The following CYP2C19 variants were observed in gnomAD, a reference collection of about 807,000 sequenced individuals.
CYP2C19 encodes cytochrome P450 family 2 subfamily C member 19.
CYP2C19 carries 59 observed loss-of-function variants against 40.9 expected under a neutral mutation model. That is an observed-to-expected ratio of 1.44 (90% confidence interval 1.17 to 1.79). CYP2C19 has a LOEUF of 1.79. Among genes scored for constraint, CYP2C19 ranks in the 40% most tolerant of loss-of-function variants. The probability of loss-of-function intolerance (pLI) is 0.00; values close to 1 mark genes in which losing one functional copy is unlikely to be tolerated. For synonymous variants in CYP2C19, 253 were observed against 208.7 expected (o/e 1.21, Z -1.83); for missense variants, 754 against 596.9 (o/e 1.26, Z -2.74).
At chr10:94,817,335 A>C (rs1849022152) in intron 5 of CYP2C19, among the ~76,000 whole-genome samples, 1 of 150,846 alleles carries the variant, frequency 6.6e-6, no homozygotes, top group South Asian at 2.1e-4. Context: ...GCCAGTGATG[A>C]TGAGCATTTT....
chr10:94,843,623 C>A (rs1390797535), intron 7 of CYP2C19, among the ~76,000 whole-genome samples: 1 of 152,168 alleles, frequency 6.6e-6, no homozygotes, highest in Non-Finnish European at 1.5e-5. Context: ...AATCTATCAA[C>A]TTTGCTAAAT....
chr10:94,852,500 T>C (rs1454811311), intron 8 of CYP2C19, among the ~76,000 whole-genome samples: 1 of 152,106 alleles, frequency 6.6e-6, no homozygotes, highest in Admixed American at 6.6e-5. Flanking sequence ...AGGTGAAGAG[T>C]AAGCATGTCC....
At chr10:94,816,893 A>G (rs1849014468) in intron 5 of CYP2C19, among the ~76,000 whole-genome samples, 1 of 146,326 alleles carries the variant, frequency 6.8e-6, no homozygotes, top group Non-Finnish European at 1.5e-5. Context: ...CCATGTCCCT[A>G]CAAAGGATAT....
intron 5 of CYP2C19, among the ~76,000 whole-genome samples, chr10:94,798,672 C>T (rs1484817653): frequency 6.6e-6 from 1 of 151,952 alleles, no homozygotes; most frequent in Non-Finnish European, 1.5e-5. Flanking sequence ...TCTGGGTGCT[C>T]CTGTATTGGG....
chr10:94,805,740 C>A (rs1333469033), intron 5 of CYP2C19, among the ~76,000 whole-genome samples: 2 of 152,088 alleles, frequency 1.3e-5, no homozygotes, highest in African/African-American at 4.8e-5. Context: ...AGTCAACAAA[C>A]AAAACCAAAG....
chr10:94,799,112 A>G (rs1280052942), intron 5 of CYP2C19, among the ~76,000 whole-genome samples: 1 of 151,968 alleles, frequency 6.6e-6, no homozygotes, highest in Non-Finnish European at 1.5e-5. Flanking sequence ...GGTCTTTACA[A>G]TTTAGCATGT....
chr10:94,842,720 A>G, intron 6 of CYP2C19, 117 bp from the exon 7 acceptor site: 3 of 1,114,306 alleles, frequency 2.7e-6, no homozygotes, highest in Non-Finnish European at 4.0e-6. Flanking sequence ...CCAGCACTAT[A>G]ATTTAAATTT....
chr10:94,846,858 T>C (rs1388955711), intron 7 of CYP2C19, among the ~76,000 whole-genome samples: 1 of 151,734 alleles, frequency 6.6e-6, no homozygotes, highest in East Asian at 1.9e-4. Flanking sequence ...ATGATTAATC[T>C]GTAATGAATA....
chr10:94,775,761 T>C, intron 3 of CYP2C19: 1 of 653,096 alleles, frequency 1.5e-6, no homozygotes, highest in Non-Finnish European at 2.6e-6. Flanking sequence ...AAAGTTCATT[T>C]AATCCTATGT....
chr10:94,819,487 C>T (rs1849075958), intron 5 of CYP2C19, among the ~76,000 whole-genome samples: 1 of 86,478 alleles, frequency 1.2e-5, no homozygotes. Flanking sequence ...ATTGATAGAC[C>T]ACTAGCAAGA....
intron 1 of CYP2C19, 114 bp from the exon 2 acceptor site, chr10:94,774,944 C>A: frequency 1.8e-6 from 2 of 1,088,906 alleles, no homozygotes; most frequent in Non-Finnish European, 2.6e-6. Context: ...AATATTTGAG[C>A]CTGTGTGACT....
At chr10:94,791,474 A>T (rs1467381967) in intron 5 of CYP2C19, among the ~76,000 whole-genome samples, 1 of 151,976 alleles carries the variant, frequency 6.6e-6, no homozygotes, top group Non-Finnish European at 1.5e-5. Flanking sequence ...TCAAATTTAG[A>T]CCTTTCCTGC....
Position 94,791,720 on chromosome 10 carries a change from G to T in CYP2C19, c.819+9723G>T, listed in dbSNP as rs192225482. 1.6e-4 allele frequency among the ~76,000 whole-genome samples: 25 copies of T among 152,238 alleles called. No homozygotes were observed. In the East Asian group the frequency reaches 3.7e-3, roughly 22 times the overall value. On this transcript the variant is annotated intron_variant, in intron 5 of 8. Coordinates refer to ENST00000371321, the MANE Select transcript of CYP2C19 (RefSeq NM_000769.4). ...CTGAGTTCTAGTTTGATTGCACCGT[G>T]GTCTGAGAGACAGTTTGTTATAATT...
chr10:94,832,552 G>C lies in CYP2C19; in HGVS notation c.962-10285G>C, dbSNP rs146322619. On this transcript the variant is annotated intron_variant, in intron 6 of 8. Transcript: ENST00000371321. ...ACAGCCAAACCATGTCAGCACCTTT[G>C]TCAAGAATGAGTTCACTCTAGGTGT... 3.3e-3 allele frequency among the ~76,000 whole-genome samples: 503 copies of C among 152,248 alleles called. 1 individual carries two copies. Among genetic ancestry groups the C allele is most frequent in the African/African-American group, 0.012 (484 of 41,546 alleles).
chr10:94,817,766 C>A (rs1194284952), intron 5 of CYP2C19, among the ~76,000 whole-genome samples: 4 of 152,086 alleles, frequency 2.6e-5, no homozygotes, highest in Non-Finnish European at 5.9e-5. Context: ...GTAATCCCGG[C>A]ACTTTGGGAG....
intron 1 of CYP2C19, chr10:94,774,079 T>C (rs1033247602): frequency 6.6e-6 from 1 of 152,184 alleles, no homozygotes; most frequent in Non-Finnish European, 1.5e-5. Flanking sequence ...AATTGGTGTG[T>C]TTACAAACCT....
intron 6 of CYP2C19, among the ~76,000 whole-genome samples, chr10:94,833,924 G>A (rs1342346577): frequency 4.6e-5 from 7 of 152,096 alleles, no homozygotes; most frequent in Non-Finnish European, 1.0e-4. Context: ...GAGGATTGTT[G>A]CATCAGTATT....
intron 5 of CYP2C19, among the ~76,000 whole-genome samples, chr10:94,791,585 CA>C (rs1228864825): frequency 6.6e-6 from 1 of 152,108 alleles, no homozygotes; most frequent in African/African-American, 2.4e-5. Flanking sequence ...TCATTGATTT[CA>C]AAGAACATCT....
intron 5 of CYP2C19, among the ~76,000 whole-genome samples, chr10:94,816,753 A>C (rs1371368534): frequency 1.5e-5 from 2 of 130,806 alleles, no homozygotes; most frequent in African/African-American, 2.9e-5. Flanking sequence ...ATCAGTCCCC[A>C]GAGTGTGGTA....
Sources: gnomAD v4.1 joint callset for allele counts (sites outside exome capture counted in the v4.1 genomes callset) on GRCh38, gnomAD v4.1.1 for gene constraint, MANE v1.5 for transcripts, NCBI Gene and HGNC (gene_info 2026-07-23, HGNC 2026-07-21) for gene names.